Variants in MARCHF1 observed in about 807,000 individuals in gnomAD.
MARCHF1 encodes E3 ubiquitin-protein ligase MARCHF1.
MARCHF1 carries 40 observed loss-of-function variants against 54.2 expected under a neutral mutation model. The observed-to-expected ratio is 0.74, with a 90% confidence interval of 0.57 to 0.96. The LOEUF (loss-of-function observed/expected upper bound fraction) is 0.96, where lower values mean the gene tolerates loss of function less well. MARCHF1 is among the 40% of genes least tolerant of loss of function. The probability of loss-of-function intolerance (pLI) is 0.00; values close to 1 mark genes in which losing one functional copy is unlikely to be tolerated. For synonymous variants in MARCHF1, 236 were observed against 236.3 expected (o/e 1.00, Z 0.01); for missense variants, 586 against 656.5 (o/e 0.89, Z 1.17).
chr4:164,077,011 T>C lies in MARCHF1; in HGVS notation c.-248+34577A>G, dbSNP rs534050155. Among the ~76,000 whole-genome samples, 9 of 152,166 alleles carry C rather than the reference T, an allele frequency of 5.9e-5. No individual in the cohort carries two copies. The East Asian group carries it at 9.6e-4, about 16-fold the overall frequency. ...CATCAAGCACCATAGACTTTCTTCA[T>C]AGAATTAGAAAAAACTACTTTAAAT... On this transcript the variant is annotated intron_variant, in intron 2 of 9. Transcript: ENST00000514618.
intron 2 of MARCHF1, among the ~76,000 whole-genome samples, chr4:164,098,253 T>C (rs780404775): frequency 1.3e-5 from 2 of 152,212 alleles, no homozygotes; most frequent in Non-Finnish European, 1.5e-5. Flanking sequence ...TTTGAAGTAA[T>C]TGTTGGCTGG....
At chr4:164,051,713 C>G (rs115269981) in intron 2 of MARCHF1, among the ~76,000 whole-genome samples, 15 of 152,152 alleles carry the variant, frequency 9.9e-5, no homozygotes, top group Non-Finnish European at 1.8e-4. Flanking sequence ...CTAGGTCTAA[C>G]TGATTCCCTT....
intron 4 of MARCHF1, among the ~76,000 whole-genome samples, chr4:163,744,730 C>T (rs1746307666): frequency 6.6e-6 from 1 of 152,112 alleles, no homozygotes; most frequent in Admixed American, 6.5e-5. Flanking sequence ...AAATAATTAT[C>T]CTTTTACATA....
intron 1 of MARCHF1, among the ~76,000 whole-genome samples, chr4:164,123,301 T>A (rs1215867706): frequency 6.6e-6 from 1 of 152,024 alleles, no homozygotes; most frequent in Non-Finnish European, 1.5e-5. Context: ...ATGAAAGCAG[T>A]TGAAGAGGAC....
At chr4:164,345,355 C>T (rs1249194497) in intron 1 of MARCHF1, among the ~76,000 whole-genome samples, 9 of 151,968 alleles carry the variant, frequency 5.9e-5, no homozygotes, top group Admixed American at 5.2e-4. Flanking sequence ...TCACTTGAGT[C>T]CAGCAGTTCA....
At chr4:163,610,746 T>A (rs1741310916) in intron 7 of MARCHF1, among the ~76,000 whole-genome samples, 1 of 152,074 alleles carries the variant, frequency 6.6e-6, no homozygotes, top group African/African-American at 2.4e-5. Flanking sequence ...TCTTTGTAAA[T>A]CCCTTTTAAG....
chr4:163,538,855 G>A (rs3797019), intron 9 of MARCHF1, among the ~76,000 whole-genome samples: 60,003 of 151,910 alleles, frequency 0.39, 12,983 homozygotes, highest in Admixed American at 0.53. Context: ...CATGCCTCCC[G>A]GTAATCCTGT....
intron 1 of MARCHF1, among the ~76,000 whole-genome samples, chr4:164,233,753 T>C (rs1237317161): frequency 6.6e-6 from 1 of 152,124 alleles, no homozygotes; most frequent in Non-Finnish European, 1.5e-5. Flanking sequence ...TTATGGTCAG[T>C]GCAAACTGTT....
chr4:164,350,665 G>C (rs535452277), intron 1 of MARCHF1, among the ~76,000 whole-genome samples: 2 of 152,286 alleles, frequency 1.3e-5, no homozygotes, highest in South Asian at 4.1e-4. Flanking sequence ...AAAAAACAAT[G>C]TGTGCCAATC....
intron 3 of MARCHF1, among the ~76,000 whole-genome samples, chr4:163,936,729 T>C (rs1329823903): frequency 6.6e-6 from 1 of 152,210 alleles, no homozygotes; most frequent in East Asian, 1.9e-4. Flanking sequence ...TGCAGTTTGA[T>C]TGTGTGAAAC....
chr4:164,110,056 T>G (rs1755801633), intron 2 of MARCHF1, among the ~76,000 whole-genome samples: 1 of 151,438 alleles, frequency 6.6e-6, no homozygotes, highest in Non-Finnish European at 1.5e-5. Flanking sequence ...TTCCTATTAA[T>G]GTAAAATTTT....
At chr4:163,648,921 G>GAA (rs34898097) in intron 5 of MARCHF1, among the ~76,000 whole-genome samples, 12 of 146,094 alleles carry the variant, frequency 8.2e-5, no homozygotes, top group East Asian at 8.0e-4. Context: ...ATCTTTGGGG[G>GAA]AAAAAAAAAA....
chr4:163,535,874 G>C (rs191346985), intron 9 of MARCHF1, among the ~76,000 whole-genome samples: 1 of 151,918 alleles, frequency 6.6e-6, no homozygotes, highest in African/African-American at 2.4e-5. Flanking sequence ...TTTGTTCTCT[G>C]GGGGACATTT....
chr4:163,982,419 G>A lies in MARCHF1; in HGVS notation c.-39+6082C>T, dbSNP rs1361214507. Among the ~76,000 whole-genome samples the A allele has an allele frequency of 2.6e-5, 4 of 152,190 alleles. No individual in the cohort carries two copies. In the East Asian group the frequency reaches 7.7e-4, roughly 29 times the overall value. On this transcript the variant is annotated intron_variant, in intron 3 of 9. Transcript: ENST00000514618. ...GCAGGCTATTCAAAAATTAATGTTT[G>A]TGATTGCTGTACCCAGATCCCAGCT...
intron 1 of MARCHF1, among the ~76,000 whole-genome samples, chr4:164,255,950 A>G (rs1053023662): frequency 2.0e-5 from 3 of 152,074 alleles, no homozygotes; most frequent in African/African-American, 7.2e-5. Flanking sequence ...CATTGAAGGA[A>G]TATTTATAAA....
chr4:164,320,796 G>A (rs1721903470), intron 1 of MARCHF1, among the ~76,000 whole-genome samples: 1 of 152,000 alleles, frequency 6.6e-6, no homozygotes, highest in African/African-American at 2.4e-5. Flanking sequence ...AGAAATGTGT[G>A]TGGGGGGAGT....
intron 1 of MARCHF1, among the ~76,000 whole-genome samples, chr4:164,228,844 G>T (rs1470310644): frequency 6.6e-6 from 1 of 152,228 alleles, no homozygotes; most frequent in South Asian, 2.1e-4. Flanking sequence ...CTTAATAGAG[G>T]GAGGAGAGGA....
rs571022899 is a variant in MARCHF1, at chr4:163,665,542, T to C, written c.162+35271A>G. Among the ~76,000 whole-genome samples, 31 of 152,308 alleles carry C rather than the reference T, an allele frequency of 2.0e-4. No homozygotes were observed. The South Asian group carries it at 3.5e-3, about 17-fold the overall frequency. Reference sequence around the variant, plus strand: ...TACTTTTGTTACAACAATTTTTACATATGTGATAACAGTCAGTGTTCGTGT... The same window carrying C: ...TACTTTTGTTACAACAATTTTTACACATGTGATAACAGTCAGTGTTCGTGT... On this transcript the variant is annotated intron_variant, in intron 5 of 9. Transcript: ENST00000514618.
At chr4:163,571,817 CT>C (rs1278764782) in intron 8 of MARCHF1, among the ~76,000 whole-genome samples, 1 of 152,090 alleles carries the variant, frequency 6.6e-6, no homozygotes, top group African/African-American at 2.4e-5. Flanking sequence ...CATCCAGCCT[CT>C]TTTCTTAGGG....
Sources: allele counts gnomAD v4.1 joint callset (sites outside exome capture counted in the v4.1 genomes callset), GRCh38; gene constraint gnomAD v4.1.1; transcripts MANE v1.5; gene names NCBI Gene and HGNC (gene_info 2026-07-23, HGNC 2026-07-21).